Variants in FBN1 observed in about 807,000 individuals in gnomAD.
FBN1 encodes fibrillin-1.
Under a neutral mutation model 365.1 loss-of-function variants are expected in FBN1, and 29 were observed. The ratio of observed to expected loss-of-function variants is 0.08; its 90% confidence interval spans 0.06 to 0.11. The LOEUF is 0.11. FBN1 is among the 10% of genes least tolerant of loss of function. The probability of loss-of-function intolerance (pLI) is 1.00; values close to 1 mark genes in which losing one functional copy is unlikely to be tolerated. For missense variants in FBN1, 2,476 were observed against 3,703.2 expected (o/e 0.67, Z 8.60); for synonymous variants, 1,210 against 1,270.5 (o/e 0.95, Z 1.01).
chr15:48,644,831 G>C lies in FBN1; in HGVS notation c.-62C>G, dbSNP rs1236488434. 6.5e-7 allele frequency: 1 copy of C among 1,530,766 alleles called. No homozygotes were observed. Among genetic ancestry groups the C allele is most frequent in the Non-Finnish European group, 8.8e-7 (1 of 1,140,418 alleles). 94.8% of individuals were successfully genotyped at this position (1,530,766 alleles called of 1,614,324 possible). On this transcript the variant is annotated 5_prime_UTR_variant, in exon 2 of 66. Coordinates refer to ENST00000316623, the MANE Select transcript of FBN1 (RefSeq NM_000138.5). ...CGCGCCCGGGGCTCGGTCTGCGGCCGCCGCTGCGCCCTGAAGCGCACCGCG... is the reference window on the plus strand; with the variant it reads ...CGCGCCCGGGGCTCGGTCTGCGGCCCCCGCTGCGCCCTGAAGCGCACCGCG...
At position 48,410,946 on chromosome 15, in the gene FBN1, C is replaced by A; in HGVS notation, c.*44G>T. On this transcript the variant is annotated 3_prime_UTR_variant, in exon 66 of 66. Transcript: ENST00000316623. Reference sequence around the variant, plus strand: ...TGGGGGAAAATATAGTTCTACCTATCTATATTTGTTTTTCTTTTAATTATT... The same window carrying A: ...TGGGGGAAAATATAGTTCTACCTATATATATTTGTTTTTCTTTTAATTATT... 1 of 1,554,370 alleles carries A rather than the reference C, an allele frequency of 6.4e-7. No individual in the cohort carries two copies. The highest frequency in any genetic ancestry group is 1.1e-5 in the South Asian group (1 of 88,166).
intron 7 of FBN1, among the ~76,000 whole-genome samples, chr15:48,535,206 C>T (rs2044004253): frequency 6.6e-6 from 1 of 152,178 alleles, no homozygotes; most frequent in Non-Finnish European, 1.5e-5. Flanking sequence ...TGGCTGCTGG[C>T]TCTAATCATC....
chr15:48,611,633 A>ATCTACTGCTAGAGTACTGAT (rs1200564387), intron 3 of FBN1, among the ~76,000 whole-genome samples: 92 of 152,318 alleles, frequency 6.0e-4, no homozygotes, highest in African/African-American at 2.2e-3. Context: ...GAATGCTGGA[A>ATCTACTGCTAGAGTACTGAT]TCTACTGCTA....
rs1414890312 is a variant in FBN1, at chr15:48,463,913, C to T, written c.5051G>A (p.Gly1684Glu). Residue 1684 changes from glycine to glutamate, a missense_variant, in exon 41 of 66, where the codon GGA becomes GAA. By Grantham distance (98) the Gly-to-Glu change is moderately conservative. Transcript: ENST00000316623. The part of the protein sequence containing the change: ...CPPDYMQVNG[G>E]NNCMDMRRSL... The stretch of plus-strand genomic sequence containing the variant: ...CTTGGACTTACCCATGCAATTATTT[C>T]CCCCATTCACTTGCATGTAGTCTGG... The T allele has an allele frequency of 6.2e-7, 1 of 1,613,036 alleles. No homozygotes were observed. Among genetic ancestry groups the T allele is most frequent in the Non-Finnish European group, 8.5e-7 (1 of 1,179,558 alleles).
chr15:48,445,913 G>T (rs1001112987), intron 47 of FBN1, among the ~76,000 whole-genome samples: 3 of 152,034 alleles, frequency 2.0e-5, no homozygotes, highest in African/African-American at 4.8e-5. Flanking sequence ...AAAATTTAAA[G>T]AATTTGGCTT....
chr15:48,429,453 T>C (rs942759241), intron 56 of FBN1, among the ~76,000 whole-genome samples: 1 of 152,202 alleles, frequency 6.6e-6, no homozygotes, highest in African/African-American at 2.4e-5. Flanking sequence ...TTTAGAAAGA[T>C]CAAAAATAAT....
chr15:48,565,957 A>C (rs1296683424), intron 6 of FBN1, among the ~76,000 whole-genome samples: 1 of 152,206 alleles, frequency 6.6e-6, no homozygotes, highest in Non-Finnish European at 1.5e-5. Flanking sequence ...AATCTTTTGG[A>C]AGAATTGAAA....
rs939784046 is a variant in FBN1, at chr15:48,503,894, T to A, written c.2006A>T (p.Gln669Leu). The A allele has an allele frequency of 6.2e-7, 1 of 1,614,212 alleles. No homozygotes were observed. Among genetic ancestry groups the A allele is most frequent in the African/African-American group, 1.3e-5 (1 of 75,064 alleles). Reference protein sequence around the residue: ...STCYGGYKRGQCIKPLFGAVT... With the variant: ...STCYGGYKRGLCIKPLFGAVT... ...AGCACCAAACAAAGGTTTGATACAC[T>A]GGCCTCTCTTGTATCCACCATAGCA... Residue 669 changes from glutamine (Q) to leucine (L), a missense_variant, in exon 17 of 66, where the codon CAG becomes CTG. Gln to Leu is a moderately radical substitution (Grantham distance 113). Coordinates refer to ENST00000316623, the MANE Select transcript of FBN1 (RefSeq NM_000138.5).
At chr15:48,603,823 A>T (rs2044585633) in intron 4 of FBN1, among the ~76,000 whole-genome samples, 1 of 152,206 alleles carries the variant, frequency 6.6e-6, no homozygotes, top group Non-Finnish European at 1.5e-5. Context: ...GTGAACCCTG[A>T]GTGTCCTAGG....
rs191286884 is a variant in FBN1, at chr15:48,616,431, G to A, written c.165-3339C>T. Among the ~76,000 whole-genome samples, 6 of 152,110 alleles carry A rather than the reference G, an allele frequency of 3.9e-5. No individual in the cohort carries two copies. In the East Asian group the frequency reaches 5.8e-4, roughly 15 times the overall value. ...GAGAAACTGCAAACTATTAGAACTC[G>A]TTCAAACAAGCTGCATGACATTTGT... On this transcript the variant is annotated intron_variant, in intron 2 of 65. Transcript: ENST00000316623.
At chr15:48,425,275 A>G (rs1351530038) in intron 60 of FBN1, 94 bp downstream of exon 60, 2 of 1,542,242 alleles carry the variant, frequency 1.3e-6, no homozygotes, top group African/African-American at 1.4e-5. Context: ...CCTGTAGAGC[A>G]GGTCTTTCGG....
At position 48,487,385 on chromosome 15, in the gene FBN1, A is replaced by G; in HGVS notation, c.3390T>C (p.His1130=). Residue 1130 remains histidine, a synonymous_variant, in exon 28 of 66, where the codon CAT becomes CAC. Coordinates refer to ENST00000316623, the MANE Select transcript of FBN1 (RefSeq NM_000138.5). The stretch of plus-strand genomic sequence containing the variant: ...CACAGCGGTAACTTCCCTCTGTGTT[A>G]TGGCAAACACCACCTCGGCATAGGA... ...DPLLCRGGVC[H]NTEGSYRCEC... 1 of 1,614,186 alleles carries G rather than the reference A, an allele frequency of 6.2e-7. No individual in the cohort carries two copies. The highest frequency in any genetic ancestry group is 8.5e-7 in the Non-Finnish European group (1 of 1,180,026).
At chr15:48,495,066 C>G (rs1031822268) in intron 22 of FBN1, 57 bp downstream of exon 22, 38 of 1,609,328 alleles carry the variant, frequency 2.4e-5, no homozygotes, top group Non-Finnish European at 2.7e-5. Context: ...TAGGCTTCCC[C>G]TTTTTATGCA....
chr15:48,434,687 G>A lies in FBN1; in HGVS notation c.6523C>T (p.Pro2175Ser). Residue 2175 changes from proline (P) to serine (S), a missense_variant, in exon 54 of 66, where the codon CCT becomes TCT. Pro to Ser is a moderately conservative substitution (Grantham distance 74, BLOSUM62 -1). Transcript: ENST00000316623. ...VDTDECSVGNPCGNGTCKNVI... is the reference protein window; with the variant it reads ...VDTDECSVGNSCGNGTCKNVI... ...TTCTTGCAGGTTCCATTTCCACAAG[G>A]ATTGCCAACAGAACATTCATCAGTA... 1 of 1,613,716 alleles carries A rather than the reference G, an allele frequency of 6.2e-7. No homozygotes were observed. Among genetic ancestry groups the A allele is most frequent in the Non-Finnish European group, 8.5e-7 (1 of 1,179,726 alleles).
chr15:48,534,970 TTC>T (rs1365919248), intron 7 of FBN1, among the ~76,000 whole-genome samples: 2 of 152,164 alleles, frequency 1.3e-5, no homozygotes, highest in Non-Finnish European at 2.9e-5. Flanking sequence ...TCGACATGAC[TTC>T]TCTGATCTTT....
intron 6 of FBN1, among the ~76,000 whole-genome samples, chr15:48,579,678 C>T (rs1163493106): frequency 1.3e-5 from 2 of 152,172 alleles, no homozygotes; most frequent in East Asian, 1.9e-4. Flanking sequence ...TGGAAAAGAA[C>T]ACTTTATGTC....
intron 10 of FBN1, among the ~76,000 whole-genome samples, chr15:48,516,631 C>A (rs1396014267): frequency 6.6e-6 from 1 of 152,156 alleles, no homozygotes; most frequent in Non-Finnish European, 1.5e-5. Flanking sequence ...AAATTCACCT[C>A]ATGGAAAACA....
chr15:48,555,267 G>C (rs1011134888), intron 6 of FBN1, among the ~76,000 whole-genome samples: 1 of 152,146 alleles, frequency 6.6e-6, no homozygotes, highest in African/African-American at 2.4e-5. Context: ...ATCGAGGACT[G>C]TGCACAACCC....
At chr15:48,536,065 A>G (rs966832432) in intron 7 of FBN1, among the ~76,000 whole-genome samples, 68 of 152,142 alleles carry the variant, frequency 4.5e-4, no homozygotes, top group Non-Finnish European at 1.2e-4. Context: ...CAAGGACTGG[A>G]AACACCAGCA....
Sources: gnomAD v4.1 joint callset for allele counts (sites outside exome capture counted in the v4.1 genomes callset) on GRCh38, gnomAD v4.1.1 for gene constraint, MANE v1.5 for transcripts, NCBI Gene and HGNC (gene_info 2026-07-23, HGNC 2026-07-21) for gene names.